Variants in FER observed in about 807,000 individuals in gnomAD.
The protein encoded by FER is FER tyrosine kinase, also known as tyrosine-protein kinase Fer.
In FER, 63 loss-of-function variants were observed where a neutral mutation model predicts 111.0. The observed-to-expected ratio is 0.57, with a 90% CI of 0.46 to 0.70. The LOEUF is 0.70. FER is among the 30% of genes least tolerant of loss of function. FER has a pLI of 0.00. For synonymous variants in FER, 327 were observed against 313.9 expected (o/e 1.04, Z -0.44); for missense variants, 914 against 954.0 (o/e 0.96, Z 0.55).
chr5:108,854,983 T>A, intron 5 of FER, among the ~76,000 whole-genome samples: 1 of 146,984 alleles, frequency 6.8e-6, no homozygotes, highest in African/African-American at 2.5e-5. Context: ...GCGTAGAGGA[T>A]TTGCCATTGA....
chr5:109,135,120 T>C (rs1173493821), intron 17 of FER, among the ~76,000 whole-genome samples: 2 of 152,204 alleles, frequency 1.3e-5, no homozygotes, highest in African/African-American at 4.8e-5. Context: ...AAATGATACA[T>C]TGTTGATACC....
intron 17 of FER, among the ~76,000 whole-genome samples, chr5:109,146,259 T>TATAC (rs1671589559): frequency 1.3e-5 from 1 of 78,844 alleles, no homozygotes; most frequent in Admixed American, 1.2e-4. Flanking sequence ...ATCTAATATA[T>TATAC]ATATATATAT....
intron 17 of FER, among the ~76,000 whole-genome samples, chr5:109,133,726 T>C (rs777892706): frequency 1.3e-4 from 20 of 152,178 alleles, no homozygotes; most frequent in Non-Finnish European, 2.6e-4. Context: ...CAAATTTATG[T>C]AACAAAACTA....
At chr5:108,801,955 A>G (rs895011265) in intron 3 of FER, among the ~76,000 whole-genome samples, 1 of 152,224 alleles carries the variant, frequency 6.6e-6, no homozygotes, top group South Asian at 2.1e-4. Context: ...GCATGGATAC[A>G]CTAGACAAAG....
At chr5:108,891,821 C>A (rs1748113663) in intron 9 of FER, among the ~76,000 whole-genome samples, 1 of 152,108 alleles carries the variant, frequency 6.6e-6, no homozygotes, top group South Asian at 2.1e-4. Context: ...CCCCTTCCCC[C>A]ACGCAACAAC....
intron 14 of FER, among the ~76,000 whole-genome samples, chr5:109,043,395 T>A (rs2149898627): frequency 6.6e-6 from 1 of 152,322 alleles, no homozygotes; most frequent in Middle Eastern, 3.4e-3. Context: ...TGTTTACTGT[T>A]TAAGTATATT....
chr5:108,802,684 A>C (rs1431119102), intron 3 of FER, among the ~76,000 whole-genome samples: 2 of 152,078 alleles, frequency 1.3e-5, no homozygotes, highest in Non-Finnish European at 2.9e-5. Flanking sequence ...TGCAAAGGGC[A>C]TGATTTCTTT....
chr5:108,938,022 TCTCTCACACACACA>T (rs1292467308), intron 10 of FER, among the ~76,000 whole-genome samples: 23 of 77,752 alleles, frequency 3.0e-4, no homozygotes, highest in African/African-American at 4.0e-4. Context: ...TCCCTATCTC[TCTCTCACACACACA>T]CACACACACA....
chr5:108,855,219 A>T (rs1172598966), intron 5 of FER, among the ~76,000 whole-genome samples: 1 of 152,214 alleles, frequency 6.6e-6, no homozygotes, highest in Non-Finnish European at 1.5e-5. Context: ...GTTAATTGTC[A>T]TTTAAAGCCA....
At chr5:108,750,532 C>G (rs1750361975) in intron 1 of FER, among the ~76,000 whole-genome samples, 2 of 152,194 alleles carry the variant, frequency 1.3e-5, no homozygotes, top group African/African-American at 4.8e-5. Context: ...TAGTGAAGAT[C>G]TGTTTCTCTT....
chr5:109,020,250 G>A (rs891146778), intron 13 of FER, among the ~76,000 whole-genome samples: 1 of 151,838 alleles, frequency 6.6e-6, no homozygotes, highest in Non-Finnish European at 1.5e-5. Flanking sequence ...CCTTGAGCAA[G>A]ATCAGCATTT....
At chr5:108,949,888 G>C (rs572662277) in intron 11 of FER, among the ~76,000 whole-genome samples, 1 of 152,044 alleles carries the variant, frequency 6.6e-6, no homozygotes. Flanking sequence ...GCAAAAATGT[G>C]TTAAAATGAT....
At chr5:108,925,668 A>G (rs1237884757) in intron 10 of FER, among the ~76,000 whole-genome samples, 1 of 152,058 alleles carries the variant, frequency 6.6e-6, no homozygotes, top group Non-Finnish European at 1.5e-5. Context: ...AAAAAAGTTT[A>G]TGTATTTTCT....
At chr5:109,023,736 A>T (rs1049755368) in intron 13 of FER, among the ~76,000 whole-genome samples, 1 of 151,632 alleles carries the variant, frequency 6.6e-6, no homozygotes, top group African/African-American at 2.4e-5. Context: ...CACTCACCCT[A>T]TCTAGCCAAT....
intron 5 of FER, among the ~76,000 whole-genome samples, chr5:108,843,479 A>C (rs1269055216): frequency 6.6e-6 from 1 of 152,108 alleles, no homozygotes; most frequent in Non-Finnish European, 1.5e-5. Context: ...TGCCAGAGAT[A>C]TAAAAATGAA....
Position 108,873,083 on chromosome 5 carries a change from G to A in FER, c.923+871G>A, listed in dbSNP as rs540901927. ...GTGGTGGTACGGGTAATTAGCTAAG[G>A]TAGGAAATGCAGACTGGCTCTTGGA... On this transcript the variant is annotated intron_variant, in intron 8 of 19. Coordinates refer to ENST00000281092, the MANE Select transcript of FER (RefSeq NM_005246.4). Among the ~76,000 whole-genome samples the A allele has an allele frequency of 3.6e-3, 550 of 152,100 alleles. 3 individuals are homozygous for A. Among genetic ancestry groups the A allele is most frequent in the African/African-American group, 0.013 (523 of 41,514 alleles).
intron 17 of FER, among the ~76,000 whole-genome samples, chr5:109,102,707 T>C (rs146833557): frequency 0.012 from 1,829 of 152,290 alleles, 23 homozygotes; most frequent in Non-Finnish European, 0.017. Context: ...TAATCTTGAG[T>C]GCTAGATGAA....
rs1760586635 is a variant in FER, at chr5:108,835,705, C to T, written c.382-3C>T. The T allele has an allele frequency of 2.6e-6, 4 of 1,543,118 alleles. No homozygotes were observed. The highest frequency in any genetic ancestry group is 3.5e-6 in the Non-Finnish European group (4 of 1,145,466). On this transcript the variant is annotated splice_polypyrimidine_tract_variant and splice_region_variant and intron_variant, in intron 4 of 19. Coordinates refer to ENST00000281092, the MANE Select transcript of FER (RefSeq NM_005246.4). The stretch of plus-strand genomic sequence containing the variant: ...ACATTTATGCATTTTGTTTCTTTGA[C>T]AGGTTACCAAAACAGAATTGGAGAA...
intron 3 of FER, among the ~76,000 whole-genome samples, chr5:108,821,159 A>C (rs1044726259): frequency 6.6e-6 from 1 of 152,218 alleles, no homozygotes; most frequent in Admixed American, 6.5e-5. Flanking sequence ...TATTGTTAGA[A>C]AGGCTTTAAC....
Sources: gnomAD v4.1 joint callset for allele counts (sites outside exome capture counted in the v4.1 genomes callset) on GRCh38, gnomAD v4.1.1 for gene constraint, MANE v1.5 for transcripts, NCBI Gene and HGNC (gene_info 2026-07-23, HGNC 2026-07-21) for gene names.